The following STK26 variants were observed in gnomAD, a reference collection of about 807,000 sequenced individuals.
STK26 encodes serine/threonine kinase 26, also known as serine/threonine-protein kinase 26.
A neutral mutation model predicts 34.7 loss-of-function variants in STK26; 14 were observed. The ratio of observed to expected loss-of-function variants is 0.40; its 90% CI spans 0.27 to 0.63. The LOEUF (loss-of-function observed/expected upper bound fraction) is 0.63. Among genes scored for constraint, STK26 ranks in the 30% least tolerant of loss-of-function variants. STK26 has a pLI of 0.38. For missense variants in STK26, 226 were observed against 309.1 expected, an observed-to-expected ratio of 0.73 and a Z score of 2.02; for synonymous variants, 100 against 109.8, an observed-to-expected ratio of 0.91 and a Z score of 0.56.
intron 2 of STK26, among the ~76,000 whole-genome samples, chrX:132,024,622 A>T (rs1186590601): frequency 9.0e-6 from 1 of 111,367 alleles, no homozygotes; most frequent in Non-Finnish European, 1.9e-5. Flanking sequence ...TCAGTCTTTC[A>T]TGATCTAAAA....
At chrX:132,028,931 T>G (rs368865572) in intron 2 of STK26, among the ~76,000 whole-genome samples, 145 of 112,535 alleles carry the variant, frequency 1.3e-3, no homozygotes, top group Middle Eastern at 4.6e-3. Flanking sequence ...TTGCTTTGCA[T>G]TGGTGAACCC....
chrX:132,062,558 C>T (rs934987317), intron 3 of STK26, among the ~76,000 whole-genome samples: 3 of 111,386 alleles, frequency 2.7e-5, no homozygotes, highest in Admixed American at 9.6e-5. Flanking sequence ...TTCTAGGTTC[C>T]GTGTGTGCCA....
At chrX:132,027,491 A>G (rs1935124439) in intron 2 of STK26, among the ~76,000 whole-genome samples, 1 of 111,901 alleles carries the variant, frequency 8.9e-6, no homozygotes, top group Non-Finnish European at 1.9e-5. Flanking sequence ...GGACGTAACC[A>G]CATTTTAAGT....
intron 2 of STK26, among the ~76,000 whole-genome samples, chrX:132,041,626 C>T (rs2124147828): frequency 9.0e-6 from 1 of 110,535 alleles, no homozygotes; most frequent in South Asian, 3.8e-4. Flanking sequence ...CCACTCCACC[C>T]CCAGCTAGAA....
chrX:132,074,122 A>T lies in STK26; in HGVS notation c.1227-13A>T, dbSNP rs762856433. The T allele has an allele frequency of 8.5e-5, 102 of 1,195,827 alleles. No homozygotes were observed. The highest frequency in any genetic ancestry group is 1.1e-4 in the Non-Finnish European group (98 of 886,186). On this transcript the variant is annotated splice_polypyrimidine_tract_variant and intron_variant, in intron 11 of 11. Transcript: ENST00000394334. The stretch of plus-strand genomic sequence containing the variant: ...AGTTGTACATTGGTTTAAATTTTTT[A>T]AAAATTTTATAGGTGTTCAGCAGAC...
chrX:132,064,713 C>T (rs1020799849), intron 4 of STK26, among the ~76,000 whole-genome samples: 3 of 111,167 alleles, frequency 2.7e-5, no homozygotes, highest in African/African-American at 9.8e-5. Flanking sequence ...TTTCTAAGTT[C>T]CCTTCCATCT....
rs1927568317 is a variant in STK26 at position 132,075,406 on chromosome X, G to C, written c.*1247G>C. 1 of 111,254 alleles carries C rather than the reference G, an allele frequency of 9.0e-6. No homozygotes were observed. Among genetic ancestry groups the C allele is most frequent in the Non-Finnish European group, 1.9e-5 (1 of 52,863 alleles). 9.2% of individuals were successfully genotyped at this position (111,254 alleles called of 1,213,427 possible). ...AGCTAATGTTTAATTGTTTGGATCT[G>C]CACAGTTTGGTTTTTGCACAAAAGT... On this transcript the variant is annotated 3_prime_UTR_variant, in exon 12 of 12. Transcript: ENST00000394334.
chrX:132,045,710 G>A (rs1280858483), intron 2 of STK26, among the ~76,000 whole-genome samples: 2 of 111,758 alleles, frequency 1.8e-5, no homozygotes, highest in Non-Finnish European at 1.9e-5. Flanking sequence ...CTTGACTTTC[G>A]GTTTATTGAG....
intron 2 of STK26, 27 bp from the exon 3 acceptor site, chrX:132,054,604 C>A (rs751369513): frequency 8.8e-7 from 1 of 1,141,118 alleles, no homozygotes; most frequent in Non-Finnish European, 1.2e-6. Flanking sequence ...TGTGTTCTTT[C>A]TTTTTCTCGT....
chrX:132,030,589 A>G (rs1260888499), intron 2 of STK26, among the ~76,000 whole-genome samples: 1 of 111,720 alleles, frequency 9.0e-6, no homozygotes, highest in Non-Finnish European at 1.9e-5. Context: ...AGAAATGGAA[A>G]TCTAATAGTA....
At chrX:132,042,912 G>T (rs1341388077) in intron 2 of STK26, among the ~76,000 whole-genome samples, 1 of 111,569 alleles carries the variant, frequency 9.0e-6, no homozygotes, top group Non-Finnish European at 1.9e-5. Flanking sequence ...AATACTATTT[G>T]ATTAAATTCA....
chrX:132,045,975 G>A (rs1304066710), intron 2 of STK26, among the ~76,000 whole-genome samples: 1 of 112,132 alleles, frequency 8.9e-6, no homozygotes, highest in Non-Finnish European at 1.9e-5. Context: ...TAATGAAAGT[G>A]CTGCCTATTA....
In STK26 at chrX:132,069,543, T is replaced by C; in HGVS notation, c.663T>C (p.Asp221=). The C allele has an allele frequency of 8.5e-7, 1 of 1,180,690 alleles. No homozygotes were observed. The highest frequency in any genetic ancestry group is 1.1e-6 in the Non-Finnish European group (1 of 880,468). The change falls in exon 7 of 12, where the codon GAT becomes GAC. Residue 221 remains aspartate, a synonymous_variant. Coordinates refer to ENST00000394334, the MANE Select transcript of STK26 (RefSeq NM_016542.4). ...ELAKGEPPNS[D]MHPMRVLFLI... The stretch of plus-strand genomic sequence containing the variant: ...CCAAGGGAGAGCCACCTAACTCCGA[T>C]ATGCATCCAATGAGAGTTCTGTTTC...
chrX:132,055,339 C>T, intron 3 of STK26: 2 of 683,498 alleles, frequency 2.9e-6, no homozygotes, highest in Non-Finnish European at 4.3e-6. Flanking sequence ...TACTTACATT[C>T]CTTAGCACAG....
intron 4 of STK26, 21 bp downstream of exon 4, chrX:132,063,510 A>G (rs1927124816): frequency 1.7e-6 from 2 of 1,189,788 alleles, no homozygotes; most frequent in Non-Finnish European, 2.3e-6. Context: ...TAAAATAGTT[A>G]CACACAGATG....
intron 3 of STK26, chrX:132,055,568 AT>A: frequency 1.0e-6 from 1 of 1,004,369 alleles, no homozygotes; most frequent in Non-Finnish European, 1.4e-6. Flanking sequence ...AGAAGTCAGG[AT>A]TCGTGTCTGT....
intron 3 of STK26, among the ~76,000 whole-genome samples, chrX:132,062,654 A>G (rs1927094025): frequency 8.9e-6 from 1 of 112,322 alleles, no homozygotes; most frequent in Non-Finnish European, 1.9e-5. Context: ...CAAAATATCC[A>G]TTGTCCTCAA....
intron 3 of STK26, among the ~76,000 whole-genome samples, chrX:132,055,299 T>C (rs957624276): frequency 8.9e-6 from 1 of 112,570 alleles, no homozygotes; most frequent in Non-Finnish European, 1.9e-5. Flanking sequence ...AGCTCCTTCA[T>C]AGCAGGGAGT....
chrX:132,040,227 C>T (rs192085674), intron 2 of STK26, among the ~76,000 whole-genome samples: 1 of 112,948 alleles, frequency 8.9e-6, no homozygotes, highest in Admixed American at 9.4e-5. Context: ...TTGCCGATCC[C>T]TGCCTTGGGG....
Sources: gnomAD v4.1 joint callset for allele counts (sites outside exome capture counted in the v4.1 genomes callset) on GRCh38, gnomAD v4.1.1 for gene constraint, MANE v1.5 for transcripts, NCBI Gene and HGNC (gene_info 2026-07-23, HGNC 2026-07-21) for gene names.